The following ETV5 variants were observed in gnomAD, a reference collection of about 807,000 sequenced individuals.
ETV5 encodes ETS translocation variant 5.
ETV5 carries 10 observed loss-of-function variants against 70.0 expected under a neutral mutation model. The observed-to-expected ratio is 0.14, with a 90% CI of 0.09 to 0.24. The LOEUF is 0.24. ETV5 is among the 10% of genes least tolerant of loss of function. The probability of loss-of-function intolerance (pLI) is 1.00; values close to 1 mark genes in which losing one functional copy is unlikely to be tolerated. For missense variants in ETV5, 453 were observed against 651.2 expected (o/e 0.70, Z 3.31); for synonymous variants, 216 against 242.2 (o/e 0.89, Z 1.01).
chr3:186,071,764 A>G (rs1713644081), intron 7 of ETV5, among the ~76,000 whole-genome samples: 1 of 151,290 alleles, frequency 6.6e-6, no homozygotes, highest in South Asian at 2.1e-4. Context: ...TGAGGTCGGG[A>G]GTTTGAGACC....
At chr3:186,081,299 T>C (rs1161468838) in intron 5 of ETV5, 124 bp from the exon 6 acceptor site, 9 of 1,026,700 alleles carry the variant, frequency 8.8e-6, no homozygotes, top group Non-Finnish European at 1.2e-5. Context: ...TCAAGTCACA[T>C]GTCAGAAAAA....
At chr3:186,066,291 G>C (rs1382010455) in intron 7 of ETV5, among the ~76,000 whole-genome samples, 1 of 57,090 alleles carries the variant, frequency 1.8e-5, no homozygotes, top group Non-Finnish European at 3.6e-5. Flanking sequence ...TCAAAGCAAT[G>C]ATGTGGTAGC....
Position 186,090,289 on chromosome 3 carries a change from C to A in ETV5, c.233-9114G>T, listed in dbSNP as rs562567326. Among the ~76,000 whole-genome samples, 6 of 152,298 alleles carry A rather than the reference C, an allele frequency of 3.9e-5. No homozygotes were observed. The East Asian group carries it at 9.6e-4, about 24-fold the overall frequency. ...ATATGCTGGTCATACCTAATGTCTA[C>A]GCCAGTGGTTCTCAAACACATTTTG... On this transcript the variant is annotated intron_variant, in intron 5 of 12. Transcript: ENST00000306376.
rs189585642 is a variant in ETV5 at position 186,096,479 on chromosome 3, A to T, written c.232+8826T>A. Reference sequence around the variant, plus strand: ...AGTCCTTTTCAGCCCCTCTGGAGAAACACAGATATCAGCAACCTCCTACAC... The same window carrying T: ...AGTCCTTTTCAGCCCCTCTGGAGAATCACAGATATCAGCAACCTCCTACAC... On this transcript the variant is annotated intron_variant, in intron 5 of 12. Coordinates refer to ENST00000306376, the MANE Select transcript of ETV5 (RefSeq NM_004454.3). Among the ~76,000 whole-genome samples, 4 of 152,326 alleles carry T rather than the reference A, an allele frequency of 2.6e-5. No homozygotes were observed. The East Asian group carries it at 7.7e-4, about 29-fold the overall frequency.
intron 5 of ETV5, among the ~76,000 whole-genome samples, chr3:186,097,035 A>G (rs1414392960): frequency 1.3e-5 from 2 of 152,130 alleles, no homozygotes; most frequent in South Asian, 2.1e-4. Context: ...CAATCAATCA[A>G]TCAAGGCTGG....
Position 186,108,429 on chromosome 3 carries a change from GA to G in ETV5, c.-75+510del, listed in dbSNP as rs537635441. The G allele has an allele frequency of 2.9e-6, 3 of 1,043,896 alleles. No individual in the cohort carries two copies. In the African/African-American group the frequency reaches 4.9e-5, roughly 17 times the overall value. 64.7% of individuals were successfully genotyped at this position (1,043,896 alleles called of 1,614,324 possible). On this transcript the variant is annotated intron_variant, in intron 1 of 12. Transcript: ENST00000306376. The stretch of plus-strand genomic sequence containing the variant: ...GCAAGGCCTGCGTAAGTTCCTGGTC[GA>G]CCCCCGCCCCCGCAGGCTGCACTTG...
Position 186,047,065 on chromosome 3 carries a change from G to A in ETV5, c.*1574C>T, listed in dbSNP as rs909969294. On this transcript the variant is annotated 3_prime_UTR_variant, in exon 13 of 13. Coordinates refer to ENST00000306376, the MANE Select transcript of ETV5 (RefSeq NM_004454.3). ...TTCAAAGCACGTGTCTCACACTCACGGAGTCAGCACTGCCTCCTTCACATA... is the reference window on the plus strand; with the variant it reads ...TTCAAAGCACGTGTCTCACACTCACAGAGTCAGCACTGCCTCCTTCACATA... The A allele has an allele frequency of 3.1e-5, 7 of 227,742 alleles. No individual in the cohort carries two copies. The highest frequency in any genetic ancestry group is 1.9e-4 in the East Asian group (3 of 15,808). 14.1% of individuals were successfully genotyped at this position (227,742 alleles called of 1,614,324 possible).
intron 5 of ETV5, among the ~76,000 whole-genome samples, chr3:186,082,479 G>A (rs1192694243): frequency 1.0e-4 from 15 of 148,414 alleles, no homozygotes; most frequent in Admixed American, 4.7e-4. Flanking sequence ...CCAGGCTGGC[G>A]TGCAATGGCG....
Position 186,047,670 on chromosome 3 carries a change from C to T in ETV5, c.*969G>A, listed in dbSNP as rs1473905056. On this transcript the variant is annotated 3_prime_UTR_variant, in exon 13 of 13. Coordinates refer to ENST00000306376, the MANE Select transcript of ETV5 (RefSeq NM_004454.3). ...AGAAAGCACAAAGCAGGCAACAAGG[C>T]GGGCTTTCACATGGCCAAGGGGAAG... 2 of 233,294 alleles carry T rather than the reference C, an allele frequency of 8.6e-6. No individual in the cohort carries two copies. The highest frequency in any genetic ancestry group is 1.2e-4 in the East Asian group (2 of 16,550). 14.5% of individuals were successfully genotyped at this position (233,294 alleles called of 1,614,324 possible).
chr3:186,087,565 T>A (rs929418103), intron 5 of ETV5, among the ~76,000 whole-genome samples: 2 of 152,196 alleles, frequency 1.3e-5, no homozygotes, highest in Admixed American at 1.3e-4. Flanking sequence ...TTTTAGAAAA[T>A]CTTTCTTCTG....
At chr3:186,066,722 T>A (rs1368834184) in intron 7 of ETV5, among the ~76,000 whole-genome samples, 1 of 152,222 alleles carries the variant, frequency 6.6e-6, no homozygotes, top group Non-Finnish European at 1.5e-5. Flanking sequence ...CCTTCCCAAC[T>A]AACTTGACAA....
At position 186,047,944 on chromosome 3, in the gene ETV5, TAA is replaced by T. The variant is rs879890890; in HGVS notation, c.*693_*694del. The stretch of plus-strand genomic sequence containing the variant: ...AGTGTTAATCGCCCTTCTCCTAAAA[TAA>T]AAGTCATCCACACTCAGCCACGTGA... On this transcript the variant is annotated 3_prime_UTR_variant, in exon 13 of 13. Transcript: ENST00000306376. 8.6e-6 allele frequency: 2 copies of T among 233,262 alleles called. No individual in the cohort carries two copies. The highest frequency in any genetic ancestry group is 2.2e-5 in the African/African-American group (1 of 45,280). The allele number at this position is 233,262 out of a possible 1,614,324, so 14.4% of individuals were successfully genotyped here. A position where few individuals can be genotyped will look rare whatever the true frequency, so the allele number is the denominator to read the frequency against.
chr3:186,082,150 G>T (rs1713947131), intron 5 of ETV5, among the ~76,000 whole-genome samples: 1 of 152,232 alleles, frequency 6.6e-6, no homozygotes, highest in South Asian at 2.1e-4. Context: ...AAAGTGGAAA[G>T]ATGCATTTTG....
Position 186,046,742 on chromosome 3 carries a change from CA to C in ETV5, c.*1896del, listed in dbSNP as rs1578532086. On this transcript the variant is annotated 3_prime_UTR_variant, in exon 13 of 13. Coordinates refer to ENST00000306376, the MANE Select transcript of ETV5 (RefSeq NM_004454.3). The stretch of plus-strand genomic sequence containing the variant: ...AACCAAATCTATACAGCATTTACAA[CA>C]AATAAATCTCTAGCCAGCTGGGGGT... 1 of 229,176 alleles carries C rather than the reference CA, an allele frequency of 4.4e-6. No homozygotes were observed. The highest frequency in any genetic ancestry group is 8.6e-6 in the Non-Finnish European group (1 of 116,518). The allele number at this position is 229,176 out of a possible 1,614,324, so 14.2% of individuals were successfully genotyped here. A position where few individuals can be genotyped will look rare whatever the true frequency, so the allele number is the denominator to read the frequency against.
rs769924564 is a variant in ETV5 at position 186,057,453 on chromosome 3, C to T, written c.1009G>A (p.Asp337Asn). The T allele has an allele frequency of 8.1e-6, 13 of 1,614,006 alleles. No homozygotes were observed. The South Asian group carries it at 8.8e-5, about 11-fold the overall frequency. ...AGTCTCTCAGGCACAACACAAGTGT[C>T]GTCAAAGTATAATCGGGGATCTTTT... The part of the protein sequence containing the change: ...YEKDPRLYFD[D>N]TCVVPERLEG... The change falls in exon 10 of 13, where the codon GAC becomes AAC. Residue 337 changes from aspartate (D) to asparagine (N), a missense_variant. Around this residue, in one of 4 missense-constraint regions of ETV5, gnomAD observed 307 missense variants for 344.9 expected, o/e 0.89. Transcript: ENST00000306376. The surrounding 1 kb of genome is among the most constrained non-coding windows in gnomAD (Gnocchi z 4.9).
rs571363775 is a variant in ETV5, at chr3:186,054,838, T to C, written c.1209+2237A>G. Among the ~76,000 whole-genome samples, 1 of 152,224 alleles carries C rather than the reference T, an allele frequency of 6.6e-6. No individual in the cohort carries two copies. The highest frequency in any genetic ancestry group is 6.5e-5 in the Admixed American group (1 of 15,294). On this transcript the variant is annotated intron_variant, in intron 11 of 12. Coordinates refer to ENST00000306376, the MANE Select transcript of ETV5 (RefSeq NM_004454.3). This position sits in a 1 kb window ranked among gnomAD's most constrained non-coding sequence, Gnocchi z 4.4. ...GGGGGAGCTCAGCAAATGTCACCTG[T>C]CCTGAGGCTAACGTGCACATGTGGC...
At chr3:186,095,128 A>T (rs1298821468) in intron 5 of ETV5, 1 of 152,226 alleles carries the variant, frequency 6.6e-6, no homozygotes, top group African/African-American at 2.4e-5. Flanking sequence ...AATATGATAG[A>T]CAACTATTGG....
chr3:186,048,606 C>T lies in ETV5; in HGVS notation c.*33G>A, dbSNP rs769065187. ...TGTTTGCCTGAATGGGAACTGCTAG[C>T]TCTAGGGTTTGGCCACTCCGCCACT... On this transcript the variant is annotated 3_prime_UTR_variant, in exon 13 of 13. Coordinates refer to ENST00000306376, the MANE Select transcript of ETV5 (RefSeq NM_004454.3). The T allele has an allele frequency of 2.2e-5, 35 of 1,589,724 alleles. No individual in the cohort carries two copies. The highest frequency in any genetic ancestry group is 2.7e-5 in the African/African-American group (2 of 74,368).
chr3:186,057,415 C>A lies in ETV5; in HGVS notation c.1039+8G>T, dbSNP rs1713191999. On this transcript the variant is annotated splice_region_variant and intron_variant, in intron 10 of 12. Coordinates refer to ENST00000306376, the MANE Select transcript of ETV5 (RefSeq NM_004454.3). This position sits in a 1 kb window ranked among gnomAD's most constrained non-coding sequence, Gnocchi z 4.9. ...ACCTGGCAACAAACCTTGGATGGGG[C>A]TACTTACCTTCCAGTCTCTCAGGCA... 1 of 1,613,926 alleles carries A rather than the reference C, an allele frequency of 6.2e-7. No individual in the cohort carries two copies. Among genetic ancestry groups the A allele is most frequent in the Non-Finnish European group, 8.5e-7 (1 of 1,179,802 alleles).
Sources: gnomAD v4.1 joint callset for allele counts (sites outside exome capture counted in the v4.1 genomes callset) on GRCh38, gnomAD v4.1.1 for gene constraint, gnomAD v4.1.1 regional missense constraint, Gnocchi (gnomAD v3.1) non-coding constraint, MANE v1.5 for transcripts, NCBI Gene and HGNC (gene_info 2026-07-23, HGNC 2026-07-21) for gene names.